The following ASB11 variants were observed in gnomAD, a reference collection of about 807,000 sequenced individuals.
The protein encoded by ASB11 is ankyrin repeat and SOCS box containing 11, also known as ankyrin repeat and SOCS box protein 11.
A neutral mutation model predicts 20.1 loss-of-function variants in ASB11; 17 were observed. The ratio of observed to expected loss-of-function variants is 0.85; its 90% CI spans 0.58 to 1.27. The LOEUF is 1.27. Among genes scored for constraint, ASB11 ranks in the 50% most tolerant of loss-of-function variants. The pLI is 0.00. For synonymous variants in ASB11, 107 were observed against 105.6 expected (o/e 1.01, Z -0.08); for missense variants, 259 against 256.9 (o/e 1.01, Z -0.06).
chrX:15,308,865 G>GA (rs1380713817), intron 1 of ASB11, among the ~76,000 whole-genome samples: 3 of 111,539 alleles, frequency 2.7e-5, no homozygotes, highest in Non-Finnish European at 5.7e-5. Context: ...GGCCTGTTAG[G>GA]AACCGGGCTG....
At chrX:15,314,418 T>C (rs1281655650) in intron 1 of ASB11, 11 of 1,195,347 alleles carry the variant, frequency 9.2e-6, no homozygotes, top group African/African-American at 1.8e-5. Flanking sequence ...TCTCTTTCCA[T>C]GGTCCGGACC....
chrX:15,285,113 C>T (rs1241635996), intron 6 of ASB11, among the ~76,000 whole-genome samples: 2 of 107,852 alleles, frequency 1.9e-5, no homozygotes, highest in Non-Finnish European at 3.8e-5. Context: ...GGAGAGTGAA[C>T]TCTGATGTAG....
intron 1 of ASB11, among the ~76,000 whole-genome samples, chrX:15,310,196 T>C (rs1602199581): frequency 9.1e-6 from 1 of 110,209 alleles, no homozygotes; most frequent in African/African-American, 3.3e-5. Flanking sequence ...ATTCTCATTT[T>C]GCAAACTGGA....
chrX:15,289,609 C>A lies in ASB11; in HGVS notation c.550G>T (p.Ala184Ser). The A allele has an allele frequency of 8.3e-7, 1 of 1,210,253 alleles. No homozygotes were observed. The highest frequency in any genetic ancestry group is 1.1e-6 in the Non-Finnish European group (1 of 894,345). ...TCATGGTCAATGTTAACATTATTTG[C>A]CAGCAGGATCTCCATGCACTCTCTG... The part of the protein sequence containing the change: ...GHRECMEILL[A>S]NNVNIDHEVP... The change falls in exon 5 of 7, where the codon GCA becomes TCA. Residue 184 changes from alanine to serine, a missense_variant. Coordinates refer to ENST00000480796, the MANE Select transcript of ASB11 (RefSeq NM_080873.3).
In ASB11 at chrX:15,283,279, A is replaced by T; in HGVS notation, c.*226T>A. ...CAGTTCTTTTAAGTTTCTTAACAAC[A>T]AGAGCTAAAAGCTAAATGGTTTCTA... On this transcript the variant is annotated 3_prime_UTR_variant, in exon 7 of 7. Transcript: ENST00000480796. 2 of 342,075 alleles carry T rather than the reference A, an allele frequency of 5.8e-6. No individual in the cohort carries two copies. Among genetic ancestry groups the T allele is most frequent in the South Asian group, 1.6e-4 (2 of 12,532 alleles). 28.2% of individuals were successfully genotyped at this position (342,075 alleles called of 1,213,427 possible).
chrX:15,283,294 A>C lies in ASB11; in HGVS notation c.*211T>G, dbSNP rs1451277483. The C allele has an allele frequency of 2.6e-6, 1 of 386,225 alleles. No homozygotes were observed. Among genetic ancestry groups the C allele is most frequent in the East Asian group, 4.1e-5 (1 of 24,539 alleles). The allele number at this position is 386,225 out of a possible 1,213,427, so 31.8% of individuals were successfully genotyped here. On this transcript the variant is annotated 3_prime_UTR_variant, in exon 7 of 7. Coordinates refer to ENST00000480796, the MANE Select transcript of ASB11 (RefSeq NM_080873.3). The stretch of plus-strand genomic sequence containing the variant: ...TCTTAACAACAAGAGCTAAAAGCTA[A>C]ATGGTTTCTACTTGCCCCTTGGTTA...
chrX:15,285,951 G>A (rs1221694762), intron 6 of ASB11, among the ~76,000 whole-genome samples: 1 of 110,999 alleles, frequency 9.0e-6, no homozygotes, highest in East Asian at 2.8e-4. Context: ...GTTGCAGTGA[G>A]CCGAGATCAC....
At position 15,302,725 on chromosome X, in the gene ASB11, T is replaced by C; in HGVS notation, c.261+3A>G. On this transcript the variant is annotated splice_donor_region_variant and intron_variant, in intron 2 of 6. Coordinates refer to ENST00000480796, the MANE Select transcript of ASB11 (RefSeq NM_080873.3). ...TGAAGGATCAAGTCTTCAGTTCACT[T>C]ACTTGTGCAATTAAAGTTTTAAGGG... 2 of 1,195,310 alleles carry C rather than the reference T, an allele frequency of 1.7e-6. No homozygotes were observed. Among genetic ancestry groups the C allele is most frequent in the Non-Finnish European group, 2.3e-6 (2 of 880,428 alleles).
chrX:15,288,228 C>T (rs1330897700), intron 5 of ASB11, among the ~76,000 whole-genome samples, 156 bp from the exon 6 acceptor site: 1 of 112,335 alleles, frequency 8.9e-6, no homozygotes, highest in Non-Finnish European at 1.9e-5. Flanking sequence ...CTCAGCAATG[C>T]CTACTAAGAC....
At chrX:15,301,546 G>GA (rs1402299584) in intron 2 of ASB11, among the ~76,000 whole-genome samples, 1 of 110,787 alleles carries the variant, frequency 9.0e-6, no homozygotes, top group Non-Finnish European at 1.9e-5. Flanking sequence ...GAGAGAGAAA[G>GA]AAAAAGAGAG....
At chrX:15,314,484 C>G (rs777753362) in intron 1 of ASB11, 32 of 1,195,835 alleles carry the variant, frequency 2.7e-5, no homozygotes, top group Admixed American at 4.6e-5. Flanking sequence ...TTAATTGAAG[C>G]ATTCTGATGC....
At chrX:15,309,984 A>AAAAAAAAAAAAAAC in intron 1 of ASB11, among the ~76,000 whole-genome samples, 1 of 104,052 alleles carries the variant, frequency 9.6e-6, no homozygotes, top group Non-Finnish European at 2.0e-5. Context: ...AAAAAAAAAA[A>AAAAAAAAAAAAAAC]AAAAAAAGTA....
At chrX:15,284,985 G>A (rs1004131036) in intron 6 of ASB11, among the ~76,000 whole-genome samples, 2 of 111,168 alleles carry the variant, frequency 1.8e-5, no homozygotes, top group East Asian at 2.8e-4. Flanking sequence ...CCAAACAATC[G>A]ATCTTAGTTA....
intron 1 of ASB11, among the ~76,000 whole-genome samples, chrX:15,305,304 A>G (rs1369953970): frequency 2.7e-5 from 3 of 111,954 alleles, no homozygotes; most frequent in Middle Eastern, 4.6e-3. Context: ...TCTGCCCAAA[A>G]TGCATAACCA....
chrX:15,303,132 G>A (rs1282629930), intron 1 of ASB11, among the ~76,000 whole-genome samples: 2 of 111,088 alleles, frequency 1.8e-5, no homozygotes, highest in Admixed American at 1.9e-4. Context: ...AAGGCAAAAT[G>A]AAGGGCCAAG....
At position 15,287,482 on chromosome X, in the gene ASB11, A is replaced by G. The variant is rs1218004129; in HGVS notation, c.847+399T>C. Among the ~76,000 whole-genome samples the G allele has an allele frequency of 7.1e-5, 8 of 112,149 alleles. No individual in the cohort carries two copies. In the Admixed American group the frequency reaches 7.5e-4, roughly 11 times the overall value. ...GCTGGAACTACAGGCGCCAGCCACC[A>G]CATCTGGCTAATTTCTGTATTTTTA... is the stretch of plus-strand genomic sequence containing the variant. On this transcript the variant is annotated intron_variant, in intron 6 of 6. Transcript: ENST00000480796.
chrX:15,298,501 T>C (rs1032202273), intron 2 of ASB11, among the ~76,000 whole-genome samples: 5 of 111,180 alleles, frequency 4.5e-5, no homozygotes, highest in Non-Finnish European at 9.4e-5. Context: ...AAGGAGGGCA[T>C]GTCTTAGAGG....
intron 2 of ASB11, among the ~76,000 whole-genome samples, chrX:15,301,144 G>C (rs1257739283): frequency 9.0e-6 from 1 of 110,865 alleles, no homozygotes; most frequent in Non-Finnish European, 1.9e-5. Context: ...TGTACTTTTA[G>C]TACAGATGGG....
intron 6 of ASB11, among the ~76,000 whole-genome samples, chrX:15,287,404 G>A (rs938930532): frequency 3.5e-5 from 4 of 112,705 alleles, no homozygotes; most frequent in South Asian, 3.6e-4. Flanking sequence ...TCTGCTCATC[G>A]CAACCTCCGC....
Sources: allele counts gnomAD v4.1 joint callset (sites outside exome capture counted in the v4.1 genomes callset), GRCh38; gene constraint gnomAD v4.1.1; transcripts MANE v1.5; gene names NCBI Gene and HGNC (gene_info 2026-07-23, HGNC 2026-07-21).